The following PCDH11X variants were observed in gnomAD, a reference collection of about 807,000 sequenced individuals.
PCDH11X encodes the protein protocadherin 11 X-linked, also known as protocadherin-11 X-linked.
PCDH11X carries 18 observed loss-of-function variants against 53.3 expected under a neutral mutation model. That is an observed-to-expected ratio of 0.34 (90% confidence interval 0.23 to 0.50). The LOEUF is 0.50. PCDH11X is among the 20% of genes least tolerant of loss of function. PCDH11X has a pLI of 0.98. For missense variants in PCDH11X, 570 were observed against 1,032.4 expected (o/e 0.55, Z 6.14); for synonymous variants, 279 against 393.3 (o/e 0.71, Z 3.44).
intron 6 of PCDH11X, among the ~76,000 whole-genome samples, chrX:92,014,840 A>G (rs892813982): frequency 5.4e-5 from 6 of 110,871 alleles, no homozygotes; most frequent in Non-Finnish European, 9.4e-5. Context: ...AACAATGAGA[A>G]CACATGGGCA....
intron 6 of PCDH11X, among the ~76,000 whole-genome samples, chrX:92,173,878 G>A (rs867410027): frequency 2.6e-4 from 27 of 102,275 alleles, no homozygotes; most frequent in East Asian, 9.4e-4. Flanking sequence ...CTAGCTTCTC[G>A]GTAGGCTGAG....
At chrX:92,323,493 G>C (rs191565723) in intron 8 of PCDH11X, among the ~76,000 whole-genome samples, 2 of 110,410 alleles carry the variant, frequency 1.8e-5, no homozygotes, top group East Asian at 5.7e-4. Context: ...GTGTATAGGA[G>C]AGTGTTCTGC....
chrX:91,940,404 G>A (rs1344240023), intron 6 of PCDH11X, among the ~76,000 whole-genome samples: 2 of 111,496 alleles, frequency 1.8e-5, no homozygotes, highest in Non-Finnish European at 3.8e-5. Context: ...ACAATATATT[G>A]GAGTTTATAA....
chrX:92,484,758 A>C (rs1213924656), intron 10 of PCDH11X, among the ~76,000 whole-genome samples: 2 of 110,897 alleles, frequency 1.8e-5, no homozygotes, highest in Admixed American at 1.9e-4. Flanking sequence ...GTGAGAAATA[A>C]AAGACTACAC....
At chrX:92,375,163 TA>T (rs1278711564) in intron 8 of PCDH11X, among the ~76,000 whole-genome samples, 464 of 17,116 alleles carry the variant, frequency 0.027, 27 homozygotes, top group East Asian at 0.25. Flanking sequence ...TATATATATA[TA>T]TATTTTTTTT....
chrX:92,475,740 T>C (rs1365149554), intron 10 of PCDH11X, among the ~76,000 whole-genome samples: 3 of 111,850 alleles, frequency 2.7e-5, no homozygotes, highest in Non-Finnish European at 3.8e-5. Flanking sequence ...TATTGGAAGT[T>C]CTCTTTTATT....
chrX:92,147,854 T>TCTTTCTTTCTTTCTTTC (rs1467457236), intron 6 of PCDH11X, among the ~76,000 whole-genome samples: 2 of 56,596 alleles, frequency 3.5e-5, no homozygotes, highest in Admixed American at 2.2e-4. Flanking sequence ...TTTCTTTCTT[T>TCTTTCTTTCTTTCTTTC]TTTCTTTTCT....
chrX:92,015,281 A>T (rs1453402548), intron 6 of PCDH11X, among the ~76,000 whole-genome samples: 5 of 111,405 alleles, frequency 4.5e-5, no homozygotes, highest in Non-Finnish European at 7.5e-5. Context: ...TGATGTTGGC[A>T]ATGGGGTATG....
chrX:92,442,391 G>A (rs2072535473), intron 9 of PCDH11X, among the ~76,000 whole-genome samples: 1 of 111,043 alleles, frequency 9.0e-6, no homozygotes, highest in Admixed American at 9.6e-5. Flanking sequence ...GGAACTGGGT[G>A]GAAGGTAATT....
intron 10 of PCDH11X, among the ~76,000 whole-genome samples, chrX:92,580,306 G>A (rs1923512601): frequency 1.9e-5 from 2 of 108,096 alleles, no homozygotes; most frequent in African/African-American, 3.6e-5. Flanking sequence ...CCCCTCATCC[G>A]GACTGCCTGG....
chrX:92,613,481 T>C (rs1166718335), intron 10 of PCDH11X, among the ~76,000 whole-genome samples: 1 of 110,012 alleles, frequency 9.1e-6, no homozygotes, highest in Non-Finnish European at 1.9e-5. Context: ...CCTGATGGAG[T>C]TCGTTTGTAT....
At chrX:92,050,542 C>T (rs1423963475) in intron 6 of PCDH11X, among the ~76,000 whole-genome samples, 1 of 103,545 alleles carries the variant, frequency 9.7e-6, no homozygotes, top group Admixed American at 1.1e-4. Context: ...CACTCTCTAA[C>T]TGTGTGACCT....
chrX:92,525,286 A>G (rs185786809), intron 10 of PCDH11X, among the ~76,000 whole-genome samples: 1,715 of 111,373 alleles, frequency 0.015, 29 homozygotes, highest in African/African-American at 0.053. Flanking sequence ...AAATAATTCA[A>G]TGTTTTTGCA....
intron 7 of PCDH11X, among the ~76,000 whole-genome samples, chrX:92,219,255 T>C (rs1309725792): frequency 4.5e-5 from 5 of 110,757 alleles, no homozygotes; most frequent in African/African-American, 1.6e-4. Context: ...GGAAGTCAAA[T>C]TGTCCCTGTT....
chrX:92,071,734 G>A (rs1217653125), intron 6 of PCDH11X, among the ~76,000 whole-genome samples: 1 of 111,310 alleles, frequency 9.0e-6, no homozygotes, highest in Non-Finnish European at 1.9e-5. Context: ...GAATCACCAG[G>A]CAGAGAGTAT....
At chrX:92,205,654 G>T (rs1215906169) in intron 7 of PCDH11X, among the ~76,000 whole-genome samples, 1 of 100,085 alleles carries the variant, frequency 1.0e-5, no homozygotes, top group Non-Finnish European at 2.0e-5. Context: ...AGGCTAGAGT[G>T]CAATGGAATG....
intron 6 of PCDH11X, among the ~76,000 whole-genome samples, chrX:92,045,649 A>G (rs2063275498): frequency 9.6e-6 from 1 of 103,741 alleles, no homozygotes; most frequent in South Asian, 4.7e-4. Flanking sequence ...AGTCAGAACA[A>G]CACTTTCAGG....
rs185603439 is a variant in PCDH11X at position 91,889,285 on chromosome X, C to A, written c.3033+10012C>A. ...ATTTTTTGCAGAAAATTATACTCAT[C>A]ATTTATGATACTCAGATTAAATAAT... On this transcript the variant is annotated intron_variant, in intron 6 of 10. Transcript: ENST00000682573. Among the ~76,000 whole-genome samples the A allele has an allele frequency of 4.3e-3, 479 of 111,756 alleles. 3 individuals are homozygous for A. Among genetic ancestry groups the A allele is most frequent in the African/African-American group, 0.015 (470 of 30,757 alleles).
At chrX:92,132,124 A>G (rs2064984679) in intron 6 of PCDH11X, among the ~76,000 whole-genome samples, 1 of 99,832 alleles carries the variant, frequency 1.0e-5, no homozygotes, top group Admixed American at 1.1e-4. Flanking sequence ...ATACAAAAAA[A>G]AAAAAAAAAA....
Sources: gnomAD v4.1 joint callset for allele counts (sites outside exome capture counted in the v4.1 genomes callset) on GRCh38, gnomAD v4.1.1 for gene constraint, MANE v1.5 for transcripts, NCBI Gene and HGNC (gene_info 2026-07-23, HGNC 2026-07-21) for gene names.